The following SPATA6 variants were observed in gnomAD, a reference collection of about 807,000 sequenced individuals.
The protein encoded by SPATA6 is spermatogenesis-associated protein 6.
A neutral mutation model predicts 65.3 loss-of-function variants in SPATA6; 56 were observed. That is an observed-to-expected ratio of 0.86 (90% confidence interval 0.69 to 1.07). SPATA6 has a LOEUF of 1.07. Ranked by LOEUF, SPATA6 falls within the 50% of genes least tolerant of loss-of-function variation. The probability of loss-of-function intolerance (pLI) is 0.00; values close to 1 mark genes in which losing one functional copy is unlikely to be tolerated. For synonymous variants in SPATA6, 199 were observed against 213.2 expected (o/e 0.93, Z 0.58); for missense variants, 590 against 594.8 (o/e 0.99, Z 0.08).
intron 4 of SPATA6, 31 bp from the exon 5 acceptor site, chr1:48,411,619 A>G (rs774009363): frequency 6.1e-6 from 9 of 1,486,672 alleles, no homozygotes; most frequent in Non-Finnish European, 8.1e-6. Context: ...GATTCAAATT[A>G]TAATAAAATA....
chr1:48,325,136 T>C, intron 11 of SPATA6: 1 of 536,040 alleles, frequency 1.9e-6, no homozygotes. Context: ...TGCATACTTA[T>C]TCTTCTTGGG....
intron 11 of SPATA6, among the ~76,000 whole-genome samples, chr1:48,340,770 C>A (rs1414499444): frequency 6.6e-6 from 1 of 151,776 alleles, no homozygotes; most frequent in Non-Finnish European, 1.5e-5. Context: ...ATATAAGAAA[C>A]ATACCTTAAA....
At chr1:48,278,840 G>T in the SPATA6 span, among the ~76,000 whole-genome samples, 2 of 152,118 alleles carry the variant, frequency 1.3e-5, no homozygotes, top group African/African-American at 2.4e-5. Context: ...ACGCCACAAA[G>T]ATACTCCTCG....
chr1:48,349,960 G>C (rs889843879), intron 11 of SPATA6, among the ~76,000 whole-genome samples: 1 of 151,958 alleles, frequency 6.6e-6, no homozygotes, highest in South Asian at 2.1e-4. Flanking sequence ...TAAATTTTCA[G>C]TGCATTTGGA....
Position 48,386,892 on chromosome 1 carries a change from G to T in SPATA6, c.869-1543C>A, listed in dbSNP as rs533763286. On this transcript the variant is annotated intron_variant, in intron 8 of 12. Coordinates refer to ENST00000371847, the MANE Select transcript of SPATA6 (RefSeq NM_019073.4). The stretch of plus-strand genomic sequence containing the variant: ...TGAGCTGTCCTGGAGCCCAGTGGCA[G>T]CAGGGCTGCCCCCAGGACTTAGAAA... Among the ~76,000 whole-genome samples the T allele has an allele frequency of 2.2e-3, 329 of 152,340 alleles. 1 individual carries two copies. The highest frequency in any genetic ancestry group is 3.4e-3 in the Middle Eastern group (1 of 294).
chr1:48,382,462 C>A (rs1648777702), intron 9 of SPATA6, among the ~76,000 whole-genome samples: 2 of 134,962 alleles, frequency 1.5e-5, no homozygotes, highest in Non-Finnish European at 3.2e-5. Flanking sequence ...GGGCGGGGGG[C>A]TGTCCCCCCC....
At chr1:48,354,975 T>C (rs901618613) in intron 11 of SPATA6, among the ~76,000 whole-genome samples, 17 of 152,222 alleles carry the variant, frequency 1.1e-4, no homozygotes, top group Admixed American at 4.6e-4. Flanking sequence ...CTTAAAACTG[T>C]AAAAACTGAT....
At chr1:48,422,648 T>C (rs1252439071) in intron 3 of SPATA6, among the ~76,000 whole-genome samples, 4 of 152,134 alleles carry the variant, frequency 2.6e-5, no homozygotes, top group African/African-American at 9.7e-5. Flanking sequence ...CAACCTACTA[T>C]AAACAAATAA....
chr1:48,374,197 T>C (rs1334011262), intron 9 of SPATA6, among the ~76,000 whole-genome samples: 1 of 152,110 alleles, frequency 6.6e-6, no homozygotes, highest in Non-Finnish European at 1.5e-5. Context: ...ATTCTTTATA[T>C]GTAGATGATA....
At chr1:48,302,134 C>T (rs931345554) in intron 12 of SPATA6, among the ~76,000 whole-genome samples, 3 of 152,236 alleles carry the variant, frequency 2.0e-5, no homozygotes, top group Admixed American at 1.3e-4. Context: ...CAATGATTTG[C>T]CTGGACTGAT....
chr1:48,457,580 T>C (rs1017026785), intron 1 of SPATA6, among the ~76,000 whole-genome samples: 2 of 152,222 alleles, frequency 1.3e-5, no homozygotes, highest in South Asian at 2.1e-4. Flanking sequence ...ATGAAGCCAG[T>C]AGGCAGAGTG....
At chr1:48,312,105 G>C (rs192787192) in intron 11 of SPATA6, among the ~76,000 whole-genome samples, 2 of 152,202 alleles carry the variant, frequency 1.3e-5, no homozygotes, top group African/African-American at 2.4e-5. Flanking sequence ...AGCTCAAGGA[G>C]GCCTGCCTCC....
At chr1:48,299,439 G>C (rs572410860) in intron 12 of SPATA6, among the ~76,000 whole-genome samples, 1 of 146,668 alleles carries the variant, frequency 6.8e-6, no homozygotes, top group Non-Finnish European at 1.5e-5. Flanking sequence ...ACTTGAAACC[G>C]GGAGGCAGAG....
chr1:48,291,421 G>A (rs1338370782), downstream of SPATA6, among the ~76,000 whole-genome samples: 2 of 152,130 alleles, frequency 1.3e-5, no homozygotes, highest in African/African-American at 2.4e-5. Flanking sequence ...TGGGGGATGG[G>A]GGTGTGGTTC....
intron 11 of SPATA6, among the ~76,000 whole-genome samples, chr1:48,311,071 G>C (rs533110808): frequency 3.9e-5 from 6 of 152,048 alleles, no homozygotes; most frequent in Non-Finnish European, 5.9e-5. Context: ...TAATGAAAAT[G>C]AGGCAGTGCT....
At chr1:48,292,387 T>C (rs1049620225), downstream of SPATA6, among the ~76,000 whole-genome samples, 9 of 152,196 alleles carry the variant, frequency 5.9e-5, no homozygotes, top group African/African-American at 2.2e-4. Context: ...CTGTGAATGT[T>C]GTGGGGGTTT....
chr1:48,344,112 G>T (rs953545638), intron 11 of SPATA6: 1 of 151,894 alleles, frequency 6.6e-6, no homozygotes, highest in Non-Finnish European at 1.5e-5. Flanking sequence ...GTCAATATAC[G>T]CTATGAAAAA....
At chr1:48,355,004 C>T (rs1456254932) in intron 11 of SPATA6, among the ~76,000 whole-genome samples, 2 of 151,748 alleles carry the variant, frequency 1.3e-5, no homozygotes, top group Non-Finnish European at 2.9e-5. Context: ...CATATAAACC[C>T]CTTATACCCC....
intron 9 of SPATA6, among the ~76,000 whole-genome samples, chr1:48,373,986 A>G (rs536604602): frequency 6.9e-4 from 105 of 152,286 alleles, no homozygotes; most frequent in Non-Finnish European, 1.3e-3. Flanking sequence ...TTGCTCTGGA[A>G]CTGATCCACA....
Sources: allele counts gnomAD v4.1 joint callset (sites outside exome capture counted in the v4.1 genomes callset), GRCh38; gene constraint gnomAD v4.1.1; transcripts MANE v1.5; gene names NCBI Gene and HGNC (gene_info 2026-07-23, HGNC 2026-07-21).